Variants in TOX observed in about 807,000 individuals in gnomAD.
TOX encodes the protein thymocyte selection associated high mobility group box.
In TOX, 11 loss-of-function variants were observed where a neutral mutation model predicts 53.7. The observed-to-expected ratio is 0.20, with a 90% confidence interval of 0.13 to 0.34. The LOEUF is 0.34. Among genes scored for constraint, TOX ranks in the 10% least tolerant of loss-of-function variants. TOX has a pLI of 1.00. For missense variants in TOX, 570 were observed against 664.6 expected (o/e 0.86, Z 1.56); for synonymous variants, 225 against 245.3 (o/e 0.92, Z 0.77).
chr8:58,906,508 G>T (rs1468404255), intron 3 of TOX, among the ~76,000 whole-genome samples: 1 of 152,062 alleles, frequency 6.6e-6, no homozygotes, highest in African/African-American at 2.4e-5. Context: ...ATGAAAAGAC[G>T]CCTTGCTGAT....
chr8:58,997,286 A>C (rs1813578000), intron 1 of TOX, among the ~76,000 whole-genome samples: 1 of 90,034 alleles, frequency 1.1e-5, no homozygotes, highest in African/African-American at 3.2e-5. Flanking sequence ...TGAAGATGTG[A>C]GCAATTTAGA....
At chr8:58,999,125 C>T (rs1185324878) in intron 1 of TOX, among the ~76,000 whole-genome samples, 5 of 152,082 alleles carry the variant, frequency 3.3e-5, no homozygotes, top group Non-Finnish European at 7.4e-5. Flanking sequence ...TATAGTTTTT[C>T]GCACTTCTTC....
At chr8:58,859,538 T>G (rs1810972496) in intron 3 of TOX, among the ~76,000 whole-genome samples, 1 of 152,122 alleles carries the variant, frequency 6.6e-6, no homozygotes, top group African/African-American at 2.4e-5. Flanking sequence ...ATAAAACAAT[T>G]TATCACAAGA....
intron 1 of TOX, among the ~76,000 whole-genome samples, chr8:58,967,019 C>T (rs1396349158): frequency 6.6e-6 from 1 of 151,894 alleles, no homozygotes; most frequent in Non-Finnish European, 1.5e-5. Context: ...GGACTACGGG[C>T]GCCCGCCACC....
At chr8:59,054,847 G>T (rs1585990678) in intron 1 of TOX, among the ~76,000 whole-genome samples, 1 of 100,080 alleles carries the variant, frequency 1.0e-5, no homozygotes, top group African/African-American at 3.8e-5. Flanking sequence ...AAGAAAGAAA[G>T]AAAAAAAGAG....
At chr8:58,990,699 G>A (rs751625155) in intron 1 of TOX, among the ~76,000 whole-genome samples, 9 of 152,170 alleles carry the variant, frequency 5.9e-5, no homozygotes, top group African/African-American at 1.9e-4. Flanking sequence ...AGGTCTGCAG[G>A]TTTGCATGCA....
At chr8:58,868,047 T>G (rs1300150235) in intron 3 of TOX, among the ~76,000 whole-genome samples, 1 of 152,124 alleles carries the variant, frequency 6.6e-6, no homozygotes, top group Non-Finnish European at 1.5e-5. Flanking sequence ...AGGGGCCTGG[T>G]GGGATATAAT....
intron 1 of TOX, among the ~76,000 whole-genome samples, chr8:59,024,609 T>C (rs1585971136): frequency 6.6e-6 from 1 of 152,328 alleles, no homozygotes; most frequent in South Asian, 2.1e-4. Context: ...AATTTGCTGC[T>C]GCTAAATGCA....
At chr8:59,093,857 T>C (rs529340735) in intron 1 of TOX, among the ~76,000 whole-genome samples, 3 of 152,324 alleles carry the variant, frequency 2.0e-5, no homozygotes, top group African/African-American at 7.2e-5. Flanking sequence ...TACTGGCATG[T>C]TGGTAAATGA....
intron 4 of TOX, among the ~76,000 whole-genome samples, chr8:58,838,700 T>TTTC (rs1491408065): frequency 7.2e-5 from 1 of 13,824 alleles, no homozygotes; most frequent in East Asian, 3.2e-3. Flanking sequence ...TATCCTTGTC[T>TTTC]TTTTTTTTTT....
intron 3 of TOX, among the ~76,000 whole-genome samples, chr8:58,856,159 T>C (rs575289356): frequency 2.1e-4 from 32 of 152,316 alleles, no homozygotes; most frequent in African/African-American, 7.2e-4. Context: ...CATCTTCATA[T>C]ATCCAAACCC....
chr8:58,870,870 A>T (rs1811184930), intron 3 of TOX, among the ~76,000 whole-genome samples: 1 of 152,126 alleles, frequency 6.6e-6, no homozygotes, highest in African/African-American at 2.4e-5. Flanking sequence ...AAAATAAAAA[A>T]GTAGAGTAGG....
intron 1 of TOX, among the ~76,000 whole-genome samples, chr8:59,056,672 C>T (rs958593432): frequency 2.6e-5 from 4 of 152,112 alleles, no homozygotes; most frequent in Non-Finnish European, 4.4e-5. Context: ...AAAAAATGCA[C>T]ATCAATGCAG....
intron 1 of TOX, among the ~76,000 whole-genome samples, chr8:58,983,418 G>A (rs1180160598): frequency 3.9e-5 from 6 of 152,172 alleles, no homozygotes; most frequent in Non-Finnish European, 8.8e-5. Context: ...CCCTGGCATC[G>A]AGTTAAAGCT....
At chr8:58,933,731 T>C (rs527687573) in intron 3 of TOX, among the ~76,000 whole-genome samples, 111 of 152,206 alleles carry the variant, frequency 7.3e-4, no homozygotes, top group Non-Finnish European at 1.3e-3. Flanking sequence ...AGAAGGATCA[T>C]GGAGATCAAC....
rs564950203 is a variant in TOX, at chr8:58,882,964, G to C, written c.412-31159C>G. On this transcript the variant is annotated intron_variant, in intron 3 of 8. Transcript: ENST00000361421. ...TTAAGGTACAGAAGAACAATGTCTC[G>C]CTTGCAAACACTCATTTCTGAATAA... 2.6e-5 allele frequency among the ~76,000 whole-genome samples: 4 copies of C among 152,118 alleles called. No individual in the cohort carries two copies. The South Asian group carries it at 6.2e-4, about 24-fold the overall frequency.
chr8:58,982,416 C>T (rs545255244), intron 1 of TOX, among the ~76,000 whole-genome samples: 1 of 152,232 alleles, frequency 6.6e-6, no homozygotes, highest in African/African-American at 2.4e-5. Context: ...ATTCTTATGC[C>T]CTGCTGGACA....
intron 1 of TOX, among the ~76,000 whole-genome samples, chr8:59,060,181 T>G (rs979180919): frequency 1.2e-4 from 18 of 152,124 alleles, no homozygotes; most frequent in Admixed American, 3.9e-4. Flanking sequence ...GATAACAGAG[T>G]GTTTAATTCC....
At chr8:58,856,672 G>A (rs1186727961) in intron 3 of TOX, among the ~76,000 whole-genome samples, 1 of 151,902 alleles carries the variant, frequency 6.6e-6, no homozygotes, top group African/African-American at 2.4e-5. Context: ...ATGGCCCTGT[G>A]ACAATGAAAT....
Sources: allele counts gnomAD v4.1 joint callset (sites outside exome capture counted in the v4.1 genomes callset), GRCh38; gene constraint gnomAD v4.1.1; transcripts MANE v1.5; gene names NCBI Gene and HGNC (gene_info 2026-07-23, HGNC 2026-07-21).